The following UBE2Q2 variants were observed in gnomAD, a reference collection of about 807,000 sequenced individuals.
UBE2Q2 encodes ubiquitin conjugating enzyme E2 Q2, also known as ubiquitin-conjugating enzyme E2 Q2.
UBE2Q2 carries 54 observed loss-of-function variants against 59.9 expected under a neutral mutation model. The ratio of observed to expected loss-of-function variants is 0.90; its 90% CI spans 0.72 to 1.13. UBE2Q2 has a LOEUF of 1.13. Ranked by LOEUF, UBE2Q2 falls within the 50% of genes most tolerant of loss-of-function variation. The pLI is 0.00. For synonymous variants in UBE2Q2, 165 were observed against 155.2 expected, an observed-to-expected ratio of 1.06 and a Z score of -0.47; for missense variants, 433 against 441.9, an observed-to-expected ratio of 0.98 and a Z score of 0.18.
chr15:75,854,267 T>C, intron 1 of UBE2Q2, 119 bp from the exon 2 acceptor site: 2 of 661,630 alleles, frequency 3.0e-6, no homozygotes, highest in South Asian at 2.4e-5. Flanking sequence ...TATGTTGCCT[T>C]TTCCCCCCAT....
intron 10 of UBE2Q2, 72 bp downstream of exon 10, chr15:75,890,555 A>C: frequency 7.2e-7 from 1 of 1,385,752 alleles, no homozygotes; most frequent in Non-Finnish European, 1.0e-6. Context: ...GATTGTAAGT[A>C]GAAAATTCTT....
At chr15:75,878,312 T>G (rs972837820) in intron 7 of UBE2Q2, 1 of 327,728 alleles carries the variant, frequency 3.1e-6, no homozygotes, top group Non-Finnish European at 5.5e-6. Flanking sequence ...CATGAGACTG[T>G]GATAACCAGT....
intron 2 of UBE2Q2, among the ~76,000 whole-genome samples, chr15:75,856,240 TATATAC>T (rs1229143168): frequency 1.3e-4 from 16 of 127,336 alleles, no homozygotes; most frequent in African/African-American, 5.2e-4. Flanking sequence ...TGTATATGTG[TATATAC>T]GTGTGTGTGT....
intron 3 of UBE2Q2, among the ~76,000 whole-genome samples, chr15:75,867,596 C>T (rs1011160495): frequency 1.3e-5 from 2 of 152,148 alleles, no homozygotes; most frequent in African/African-American, 2.4e-5. Flanking sequence ...GGGTTTCCCA[C>T]GATTAACTCA....
At chr15:75,893,075 G>C in intron 11 of UBE2Q2, among the ~76,000 whole-genome samples, 1 of 152,138 alleles carries the variant, frequency 6.6e-6, no homozygotes, top group East Asian at 1.9e-4. Context: ...CCCAGGAGGA[G>C]ATATTAGAAT....
intron 3 of UBE2Q2, among the ~76,000 whole-genome samples, chr15:75,863,238 C>T (rs1014239174): frequency 5.3e-5 from 8 of 152,164 alleles, no homozygotes; most frequent in African/African-American, 1.4e-4. Context: ...TAACCTCCAC[C>T]TTTGTTGGCT....
chr15:75,845,979 C>T (rs1013264580), intron 1 of UBE2Q2, among the ~76,000 whole-genome samples: 2 of 152,218 alleles, frequency 1.3e-5, no homozygotes, highest in African/African-American at 4.8e-5. Flanking sequence ...AATTGACTTG[C>T]TAGTGAAATA....
intron 11 of UBE2Q2, 115 bp from the exon 12 acceptor site, chr15:75,896,880 T>C: frequency 1.9e-6 from 1 of 524,356 alleles, no homozygotes. Context: ...GTTTTTGAAA[T>C]GGAGATAGTC....
chr15:75,858,740 G>A (rs4886747), intron 2 of UBE2Q2, among the ~76,000 whole-genome samples: 106,914 of 152,148 alleles, frequency 0.7, 39,851 homozygotes, highest in South Asian at 0.89. Flanking sequence ...GTCTGTGTCC[G>A]GATTGCTCTG....
chr15:75,900,264 T>G lies in UBE2Q2; in HGVS notation c.*806T>G, dbSNP rs967470355. ...TTATTAACGGGATGTTGCAATCGTTTGTAAACTAATAAACTTATAAAGTGA... is the reference window on the plus strand; with the variant it reads ...TTATTAACGGGATGTTGCAATCGTTGGTAAACTAATAAACTTATAAAGTGA... On this transcript the variant is annotated 3_prime_UTR_variant, in exon 13 of 13. Transcript: ENST00000267938. 2.0e-5 allele frequency: 3 copies of G among 152,254 alleles called. No individual in the cohort carries two copies. The highest frequency in any genetic ancestry group is 4.8e-5 in the African/African-American group (2 of 41,454). 9.4% of individuals were successfully genotyped at this position (152,254 alleles called of 1,614,324 possible).
chr15:75,844,163 G>A (rs1010747926), intron 1 of UBE2Q2: 4 of 1,433,440 alleles, frequency 2.8e-6, no homozygotes, highest in Admixed American at 2.8e-5. Context: ...GTCCATGGCC[G>A]CCCTCAGCCG....
intron 7 of UBE2Q2, 81 bp downstream of exon 7, chr15:75,878,102 C>T (rs1898188173): frequency 1.7e-6 from 2 of 1,172,564 alleles, no homozygotes. Context: ...TAACTTGATA[C>T]CTTTATACTA....
Position 75,843,662 on chromosome 15 carries a change from G to A in UBE2Q2, c.-5G>A, listed in dbSNP as rs778062393. 3.8e-6 allele frequency: 6 copies of A among 1,595,990 alleles called. No homozygotes were observed. Among genetic ancestry groups the A allele is most frequent in the Non-Finnish European group, 4.3e-6 (5 of 1,172,772 alleles). ...CGCGCCCCTCCCGCCGGAGATGAGGGGAAGATGTCCGTGTCAGGGCTCAAG... is the reference window on the plus strand; with the variant it reads ...CGCGCCCCTCCCGCCGGAGATGAGGAGAAGATGTCCGTGTCAGGGCTCAAG... On this transcript the variant is annotated 5_prime_UTR_variant, in exon 1 of 13. Transcript: ENST00000267938.
chr15:75,854,601 G>T, intron 2 of UBE2Q2, 114 bp downstream of exon 2: 1 of 626,534 alleles, frequency 1.6e-6, no homozygotes, highest in Non-Finnish European at 2.5e-6. Context: ...AATCTTGTAG[G>T]AATTAAAGAC....
At position 75,873,433 on chromosome 15, in the gene UBE2Q2, A is replaced by C; in HGVS notation, c.453A>C (p.Ile151=). 1 of 1,605,928 alleles carries C rather than the reference A, an allele frequency of 6.2e-7. No homozygotes were observed. The highest frequency in any genetic ancestry group is 8.5e-7 in the Non-Finnish European group (1 of 1,178,224). Residue 151 remains isoleucine, a synonymous_variant, in exon 5 of 13, where the codon ATA becomes ATC. Coordinates refer to ENST00000267938, the MANE Select transcript of UBE2Q2 (RefSeq NM_173469.4). ...EEEEEEMAED[I]EDLDHYEMKE... The stretch of plus-strand genomic sequence containing the variant: ...CATTTTTCGTCTCTTTGTAGGATAT[A>C]GAAGACTTAGATCACTATGAGATGA...
intron 3 of UBE2Q2, among the ~76,000 whole-genome samples, chr15:75,864,365 G>A (rs1897345790): frequency 6.6e-6 from 1 of 151,902 alleles, no homozygotes; most frequent in Non-Finnish European, 1.5e-5. Context: ...TTCACAACTG[G>A]TCATGGTAGG....
Position 75,857,757 on chromosome 15 carries a change from CA to C in UBE2Q2, c.283-2107del, listed in dbSNP as rs35989972. ...TTATAATAGAATATTCTGTTGTAGG[CA>C]AAAAAAAAAAAAATGCAGCCATTTT... On this transcript the variant is annotated intron_variant, in intron 2 of 12. Coordinates refer to ENST00000267938, the MANE Select transcript of UBE2Q2 (RefSeq NM_173469.4). Among the ~76,000 whole-genome samples, 561 of 121,610 alleles carry C rather than the reference CA, an allele frequency of 4.6e-3. 2 individuals are homozygous for C. The highest frequency in any genetic ancestry group is 6.0e-3 in the African/African-American group (194 of 32,270). The allele number at this position is 121,610 out of a possible 152,430, so 79.8% of individuals were successfully genotyped here.
intron 1 of UBE2Q2, among the ~76,000 whole-genome samples, chr15:75,845,302 G>A (rs1044502807): frequency 6.6e-6 from 1 of 152,176 alleles, no homozygotes; most frequent in African/African-American, 2.4e-5. Context: ...AAGAAGACAC[G>A]GAGATTTGAG....
chr15:75,850,237 G>A (rs1896560638), intron 1 of UBE2Q2, among the ~76,000 whole-genome samples: 1 of 152,144 alleles, frequency 6.6e-6, no homozygotes, highest in African/African-American at 2.4e-5. Context: ...TCAAAACTAG[G>A]AGATATGATT....
Sources: allele counts gnomAD v4.1 joint callset (sites outside exome capture counted in the v4.1 genomes callset), GRCh38; gene constraint gnomAD v4.1.1; transcripts MANE v1.5; gene names NCBI Gene and HGNC (gene_info 2026-07-23, HGNC 2026-07-21).